Variants in BOP1 observed in about 807,000 individuals in gnomAD.
BOP1 encodes the protein BOP1 ribosomal biogenesis factor, also known as ribosome biogenesis protein BOP1.
A neutral mutation model predicts 82.9 loss-of-function variants in BOP1; 54 were observed. The ratio of observed to expected loss-of-function variants is 0.65; its 90% CI spans 0.52 to 0.82. BOP1 has a LOEUF of 0.82. BOP1 is among the 40% of genes least tolerant of loss of function. The probability of loss-of-function intolerance (pLI) is 0.00; values close to 1 mark genes in which losing one functional copy is unlikely to be tolerated. For synonymous variants in BOP1, 566 were observed against 451.1 expected (o/e 1.25, Z -3.23); for missense variants, 1,170 against 1,072.0 (o/e 1.09, Z -1.28).
In BOP1 at chr8:144,264,272, C is replaced by T. The variant is rs1017524593; in HGVS notation, c.931G>A (p.Ala311Thr). Residue 311 changes from alanine to threonine, a missense_variant, in exon 7 of 16, where the codon GCC (alanine) becomes ACC (threonine). Coordinates refer to ENST00000569669, the MANE Select transcript of BOP1 (RefSeq NM_015201.5). ...PAPKLALPGH[A>T]ESYNPPPEYL... The stretch of plus-strand genomic sequence containing the variant: ...TCAGGGGGTGGGTTGTACGACTCGG[C>T]GTGGCCTGGCAGGGCCAGCTTGGGA... The T allele has an allele frequency of 3.0e-5, 49 of 1,611,024 alleles. No individual in the cohort carries two copies. The highest frequency in any genetic ancestry group is 2.9e-4 in the East Asian group (13 of 44,866).
At position 144,263,572 on chromosome 8, in the gene BOP1, T is replaced by G; in HGVS notation, c.1330A>C (p.Thr444Pro). 1 of 1,603,384 alleles carries G rather than the reference T, an allele frequency of 6.2e-7. No individual in the cohort carries two copies. Among genetic ancestry groups the G allele is most frequent in the East Asian group, 2.2e-5 (1 of 44,868 alleles). The change falls in exon 11 of 16, where the codon ACT (threonine) becomes CCT (proline). Residue 444 changes from threonine to proline, a missense_variant. Thr to Pro is a conservative substitution (Grantham distance 38, BLOSUM62 -1). Coordinates refer to ENST00000569669, the MANE Select transcript of BOP1 (RefSeq NM_015201.5). The stretch of plus-strand genomic sequence containing the variant: ...GGAACAGTCCTCACACAGCGGGCAG[T>G]GGCCACCTCCCAGAGCCGCAGGGAG... ...DGSLRLWEVA[T>P]ARCVRTVPVG...
chr8:144,262,090 G>A lies in BOP1; in HGVS notation c.*74C>T. The A allele has an allele frequency of 6.2e-7, 1 of 1,600,312 alleles. No individual in the cohort carries two copies. Among genetic ancestry groups the A allele is most frequent in the East Asian group, 2.2e-5 (1 of 44,758 alleles). ...TGGCAACCCCAATTCAAGAAGGTGG[G>A]AGCACCAGGCAGCACAGGGTAAAGG... On this transcript the variant is annotated 3_prime_UTR_variant, in exon 16 of 16. Transcript: ENST00000569669.
Position 144,264,527 on chromosome 8 carries a change from CACCAGGGAGGG to C in BOP1, c.742_752del (p.Pro248GlyfsTer31). 1 of 1,610,228 alleles carries C rather than the reference CACCAGGGAGGG, an allele frequency of 6.2e-7. No homozygotes were observed. Among genetic ancestry groups the C allele is most frequent in the Non-Finnish European group, 8.5e-7 (1 of 1,179,008 alleles). On this transcript the variant is annotated frameshift_variant, in exon 6 of 16. Coordinates refer to ENST00000569669, the MANE Select transcript of BOP1 (RefSeq NM_015201.5). LOFTEE classifies it high-confidence loss of function. ...CTGTGTGCCCCACCTTCTCCTTCTC[CACCAGGGAGGG>C]GATGAAGCTGCGCTTGTCGGCCGGG...
chr8:144,275,849 A>G (rs1845560551), intron 3 of BOP1, among the ~76,000 whole-genome samples: 2 of 149,202 alleles, frequency 1.3e-5, no homozygotes, highest in African/African-American at 2.5e-5. Flanking sequence ...CATGCCCGTG[A>G]CCCCCACCCC....
At chr8:144,273,278 G>A (rs1374407848) in intron 3 of BOP1, among the ~76,000 whole-genome samples, 3 of 152,210 alleles carry the variant, frequency 2.0e-5, no homozygotes, top group African/African-American at 7.2e-5. Flanking sequence ...GGGACCACGG[G>A]CTCTGGACGC....
At chr8:144,290,179 T>C (rs1281737483) in intron 1 of BOP1, among the ~76,000 whole-genome samples, 2 of 151,882 alleles carry the variant, frequency 1.3e-5, no homozygotes, top group African/African-American at 4.8e-5. Context: ...GCCAACATGG[T>C]GAAACCATCT....
chr8:144,289,878 T>C (rs1014003352), intron 1 of BOP1, among the ~76,000 whole-genome samples: 8 of 152,166 alleles, frequency 5.3e-5, no homozygotes, highest in Admixed American at 2.6e-4. Context: ...ATTGAAAGGA[T>C]TGGCTGAAGA....
intron 2 of BOP1, among the ~76,000 whole-genome samples, chr8:144,280,472 C>T (rs1268977762): frequency 6.6e-6 from 1 of 152,278 alleles, no homozygotes; most frequent in Non-Finnish European, 1.5e-5. Flanking sequence ...TGCCACCTGC[C>T]ATTCCCAGAG....
In BOP1 at chr8:144,263,462, C is replaced by A. The variant is rs1029746699; in HGVS notation, c.1424+16G>T. On this transcript the variant is annotated intron_variant, in intron 11 of 15. Coordinates refer to ENST00000569669, the MANE Select transcript of BOP1 (RefSeq NM_015201.5). ...GTGCCACCCCTGGCTCCCCAGCCCC[C>A]AGGGCCTCCACTTACACGGCTGCAG... 6.3e-7 allele frequency: 1 copy of A among 1,597,904 alleles called. No homozygotes were observed.
intron 3 of BOP1, chr8:144,266,538 C>T (rs1845369984): frequency 1.0e-6 from 1 of 994,266 alleles, no homozygotes; most frequent in Non-Finnish European, 1.2e-6. Context: ...CCGGCCGGCC[C>T]GCGAGGCCCG....
chr8:144,264,214 T>G lies in BOP1; in HGVS notation c.978+11A>C. On this transcript the variant is annotated intron_variant, in intron 7 of 15. Transcript: ENST00000569669. The stretch of plus-strand genomic sequence containing the variant: ...GGGGACAGGGTCCCGGCCCCCAGGA[T>G]GCAGGCCCACCTCCTCCTCGCTGAG... 6.2e-7 allele frequency: 1 copy of G among 1,607,412 alleles called. No individual in the cohort carries two copies. The highest frequency in any genetic ancestry group is 8.5e-7 in the Non-Finnish European group (1 of 1,177,934).
intron 3 of BOP1, among the ~76,000 whole-genome samples, chr8:144,268,691 A>G (rs1845437896): frequency 6.6e-6 from 1 of 152,082 alleles, no homozygotes; most frequent in Admixed American, 6.5e-5. Flanking sequence ...CATATCGGGA[A>G]GCTGTGGGGT....
intron 3 of BOP1, chr8:144,265,427 T>G (rs1172961079): frequency 1.5e-5 from 6 of 398,222 alleles, no homozygotes; most frequent in Non-Finnish European, 2.8e-5. Context: ...GGCAGGGGCC[T>G]TAGGCAGAAG....
intron 2 of BOP1, among the ~76,000 whole-genome samples, chr8:144,279,536 G>A (rs1845636164): frequency 6.6e-6 from 1 of 152,232 alleles, no homozygotes; most frequent in Non-Finnish European, 1.5e-5. Flanking sequence ...GCCTGGTTTA[G>A]ATGAGACCCT....
intron 1 of BOP1, 75 bp from the exon 2 acceptor site, chr8:144,289,379 T>C: frequency 6.7e-7 from 1 of 1,494,128 alleles, no homozygotes; most frequent in Non-Finnish European, 9.1e-7. Context: ...GAGAGCTGCC[T>C]CTCGCCCCTC....
At chr8:144,276,359 C>T (rs2130239648) in intron 2 of BOP1, 55 bp from the exon 3 acceptor site, 2 of 1,591,758 alleles carry the variant, frequency 1.3e-6, no homozygotes, top group Admixed American at 3.4e-5. Context: ...ACCCTTTGAC[C>T]TTGGGGGGAT....
rs1223071954 is a variant in BOP1 at position 144,262,433 on chromosome 8, C to T, written c.2050G>A (p.Asp684Asn). Residue 684 changes from aspartate (D) to asparagine (N), a missense_variant, in exon 15 of 16, where the codon GAC becomes AAC. By Grantham distance (23) the Asp-to-Asn change is conservative (BLOSUM62 1). Coordinates refer to ENST00000569669, the MANE Select transcript of BOP1 (RefSeq NM_015201.5). ...RYPLFASGSD[D>N]GSVIVCHGMV... is the part of the protein sequence containing the mutation. Reference sequence around the variant, plus strand: ...CCATGGCAGACGATGACACTGCCGTCGTCCGAGCCTGACGCAAAGAGTGGG... The same window carrying T: ...CCATGGCAGACGATGACACTGCCGTTGTCCGAGCCTGACGCAAAGAGTGGG... 13 of 1,612,788 alleles carry T rather than the reference C, an allele frequency of 8.1e-6. No individual in the cohort carries two copies. The highest frequency in any genetic ancestry group is 9.3e-6 in the Non-Finnish European group (11 of 1,179,824).
chr8:144,267,085 C>T, intron 3 of BOP1: 1 of 1,373,664 alleles, frequency 7.3e-7, no homozygotes, highest in East Asian at 3.2e-5. Context: ...CGCCGGCAGC[C>T]CCCCGCCGCC....
intron 2 of BOP1, among the ~76,000 whole-genome samples, chr8:144,285,452 G>A (rs1298816041): frequency 6.6e-6 from 1 of 152,176 alleles, no homozygotes; most frequent in African/African-American, 2.4e-5. Context: ...GCAGAAGCAC[G>A]TGGCAGAAGA....
Sources: gnomAD v4.1 joint callset for allele counts (sites outside exome capture counted in the v4.1 genomes callset) on GRCh38, gnomAD v4.1.1 for gene constraint, MANE v1.5 for transcripts, NCBI Gene and HGNC (gene_info 2026-07-23, HGNC 2026-07-21) for gene names.